The following WWOX variants were observed in gnomAD, a reference collection of about 807,000 sequenced individuals.
The protein encoded by WWOX is WW domain-containing oxidoreductase.
Under a neutral mutation model 46.2 loss-of-function variants are expected in WWOX, and 69 were observed. The observed-to-expected ratio is 1.49, with a 90% confidence interval of 1.23 to 1.82. The LOEUF (loss-of-function observed/expected upper bound fraction) is 1.82. Ranked by LOEUF, WWOX falls within the 40% of genes most tolerant of loss-of-function variation. WWOX has a pLI of 0.00. For synonymous variants in WWOX, 359 were observed against 202.6 expected, an observed-to-expected ratio of 1.77 and a Z score of -6.56; for missense variants, 919 against 542.6, an observed-to-expected ratio of 1.69 and a Z score of -6.89.
chr16:79,118,430 G>T (rs542627509), intron 8 of WWOX, among the ~76,000 whole-genome samples: 22 of 152,280 alleles, frequency 1.4e-4, no homozygotes, highest in African/African-American at 5.1e-4. Flanking sequence ...TAATTTAAAA[G>T]CTTGAAATAT....
At chr16:79,009,649 C>T (rs573416313) in intron 8 of WWOX, among the ~76,000 whole-genome samples, 1 of 152,184 alleles carries the variant, frequency 6.6e-6, no homozygotes, top group South Asian at 2.1e-4. Context: ...CAAGGTTTCC[C>T]CATGTTGGCC....
chr16:78,936,615 A>G (rs1303020969), intron 8 of WWOX, among the ~76,000 whole-genome samples: 1 of 152,174 alleles, frequency 6.6e-6, no homozygotes, highest in Non-Finnish European at 1.5e-5. Context: ...CAAGGTCCAC[A>G]GGCTGGATGG....
intron 8 of WWOX, among the ~76,000 whole-genome samples, chr16:78,575,649 T>C (rs181044873): frequency 7.2e-5 from 11 of 152,272 alleles, no homozygotes; most frequent in Admixed American, 5.2e-4. Context: ...GAGACCATGA[T>C]ACAGTTTTGA....
In WWOX at chr16:78,464,282, G is replaced by T. The variant is rs185264221; in HGVS notation, c.1056+31530G>T. On this transcript the variant is annotated intron_variant, in intron 8 of 8. Transcript: ENST00000566780. Reference sequence around the variant, plus strand: ...GGAGGATGACAGGGAGATGGAGGGAGGCAAAAAGAAAAAGGGAGAAGGAAA... The same window carrying T: ...GGAGGATGACAGGGAGATGGAGGGATGCAAAAAGAAAAAGGGAGAAGGAAA... 2.9e-3 allele frequency among the ~76,000 whole-genome samples: 446 copies of T among 151,212 alleles called. 3 individuals carry two copies. The highest frequency in any genetic ancestry group is 5.3e-3 in the Non-Finnish European group (358 of 67,824).
intron 8 of WWOX, among the ~76,000 whole-genome samples, chr16:78,516,957 C>T (rs1290895320): frequency 1.3e-5 from 2 of 152,102 alleles, no homozygotes; most frequent in Admixed American, 1.3e-4. Context: ...AGACTTGGGT[C>T]TGTTTCCCGA....
chr16:78,498,938 A>G (rs1466254491), intron 8 of WWOX, among the ~76,000 whole-genome samples: 1 of 152,330 alleles, frequency 6.6e-6, no homozygotes, highest in South Asian at 2.1e-4. Flanking sequence ...AGATAAGCAC[A>G]ATAATGATTG....
rs1417596945 is a variant in WWOX at position 78,424,111 on chromosome 16, T to TC, written c.606-759_606-758insC. Among the ~76,000 whole-genome samples, 5 of 143,650 alleles carry TC rather than the reference T, an allele frequency of 3.5e-5. No individual in the cohort carries two copies. The East Asian group carries it at 6.3e-4, about 18-fold the overall frequency. 94.2% of individuals were successfully genotyped at this position (143,650 alleles called of 152,430 possible). ...GTTTTTCTTTTCTTTTCTTTTCTTT[T>TC]TTTTTTTTGTTTTTTTTTTTTTTGG... On this transcript the variant is annotated intron_variant, in intron 6 of 8. Coordinates refer to ENST00000566780, the MANE Select transcript of WWOX (RefSeq NM_016373.4).
At chr16:78,719,712 T>C (rs1407574117) in intron 8 of WWOX, among the ~76,000 whole-genome samples, 1 of 152,234 alleles carries the variant, frequency 6.6e-6, no homozygotes, top group Admixed American at 6.6e-5. Flanking sequence ...TTAGTAACAT[T>C]TGTAATTTAC....
chr16:78,546,160 C>CT (rs1434736095), intron 8 of WWOX, among the ~76,000 whole-genome samples: 2 of 152,098 alleles, frequency 1.3e-5, no homozygotes, highest in Non-Finnish European at 2.9e-5. Flanking sequence ...TCACAAAAAG[C>CT]TAATACTATG....
At chr16:78,955,151 T>A (rs2046139488) in intron 8 of WWOX, among the ~76,000 whole-genome samples, 1 of 152,126 alleles carries the variant, frequency 6.6e-6, no homozygotes, top group Admixed American at 6.5e-5. Flanking sequence ...AAAGGAAACT[T>A]TGCTGTTAGG....
intron 8 of WWOX, among the ~76,000 whole-genome samples, chr16:79,124,362 C>T (rs960416136): frequency 6.6e-6 from 1 of 151,780 alleles, no homozygotes. Context: ...AAAAAAATCA[C>T]TGGTTTATTG....
At chr16:78,870,977 T>A (rs149875381) in intron 8 of WWOX, among the ~76,000 whole-genome samples, 3,072 of 152,280 alleles carry the variant, frequency 0.02, 36 homozygotes, top group Middle Eastern at 0.031. Context: ...GTCTTAAGTG[T>A]CCCAATAGCC....
At chr16:78,866,509 G>A (rs964150344) in intron 8 of WWOX, among the ~76,000 whole-genome samples, 2 of 151,998 alleles carry the variant, frequency 1.3e-5, no homozygotes, top group Non-Finnish European at 2.9e-5. Flanking sequence ...GTAAAACGAA[G>A]AACAGTTGCT....
At chr16:78,661,853 C>T (rs189115663) in intron 8 of WWOX, among the ~76,000 whole-genome samples, 11 of 152,300 alleles carry the variant, frequency 7.2e-5, no homozygotes, top group South Asian at 2.1e-4. Context: ...CCTGGGCAAA[C>T]AGCCTGAGGC....
intron 8 of WWOX, among the ~76,000 whole-genome samples, chr16:78,863,126 T>A (rs1379820486): frequency 6.6e-6 from 1 of 151,826 alleles, no homozygotes; most frequent in Non-Finnish European, 1.5e-5. Flanking sequence ...CCTGGCTAAT[T>A]TTTGTATTTT....
chr16:79,192,000 C>T (rs1290345409), intron 8 of WWOX, among the ~76,000 whole-genome samples: 2 of 152,182 alleles, frequency 1.3e-5, no homozygotes, highest in African/African-American at 4.8e-5. Context: ...TCACTTGAAA[C>T]GCCTTACATA....
intron 8 of WWOX, among the ~76,000 whole-genome samples, chr16:79,028,789 T>G (rs967870977): frequency 1.3e-5 from 2 of 151,828 alleles, no homozygotes; most frequent in Non-Finnish European, 2.9e-5. Flanking sequence ...TACATTTGGT[T>G]TGCTTACATA....
chr16:79,115,259 C>T (rs1228536845), intron 8 of WWOX, among the ~76,000 whole-genome samples: 1 of 152,198 alleles, frequency 6.6e-6, no homozygotes, highest in African/African-American at 2.4e-5. Context: ...AAACACAGCT[C>T]ATAGGGATGC....
intron 8 of WWOX, among the ~76,000 whole-genome samples, chr16:78,790,215 C>A (rs755829779): frequency 6.6e-6 from 1 of 152,284 alleles, no homozygotes; most frequent in Non-Finnish European, 1.5e-5. Context: ...CAGCTCACTG[C>A]AACCTGCTTC....
Sources: gnomAD v4.1 joint callset for allele counts (sites outside exome capture counted in the v4.1 genomes callset) on GRCh38, gnomAD v4.1.1 for gene constraint, MANE v1.5 for transcripts, NCBI Gene and HGNC (gene_info 2026-07-23, HGNC 2026-07-21) for gene names.